Variants in NXPH1 observed in about 807,000 individuals in gnomAD.
The protein encoded by NXPH1 is neurexophilin-1.
A neutral mutation model predicts 23.7 loss-of-function variants in NXPH1; 5 were observed. The observed-to-expected ratio is 0.21, with a 90% confidence interval of 0.11 to 0.44. NXPH1 has a LOEUF of 0.44. Ranked by LOEUF, NXPH1 falls within the 20% of genes least tolerant of loss-of-function variation. NXPH1 has a pLI of 0.99. For missense variants in NXPH1, 324 were observed against 321.6 expected (o/e 1.01, Z -0.06); for synonymous variants, 144 against 122.2 (o/e 1.18, Z -1.18).
At chr7:8,613,861 T>C (rs923528866) in intron 2 of NXPH1, among the ~76,000 whole-genome samples, 2 of 151,862 alleles carry the variant, frequency 1.3e-5, no homozygotes, top group African/African-American at 2.4e-5. Context: ...ATGAAAATCA[T>C]ACACACACAT....
chr7:8,612,825 T>C lies in NXPH1; in HGVS notation c.55-138183T>C, dbSNP rs189775239. On this transcript the variant is annotated intron_variant, in intron 2 of 2. Coordinates refer to ENST00000405863, the MANE Select transcript of NXPH1 (RefSeq NM_152745.3). Reference sequence around the variant, plus strand: ...TCTTGGCGAGTGTTTTGTCTACTTATTGCTATTGCTGATATTAGATAAAAA... The same window carrying C: ...TCTTGGCGAGTGTTTTGTCTACTTACTGCTATTGCTGATATTAGATAAAAA... 3.6e-3 allele frequency among the ~76,000 whole-genome samples: 548 copies of C among 152,168 alleles called. 3 individuals are homozygous for C. The highest frequency in any genetic ancestry group is 0.013 in the African/African-American group (530 of 41,552).
chr7:8,489,884 T>G (rs1817220645), intron 2 of NXPH1, among the ~76,000 whole-genome samples: 1 of 152,078 alleles, frequency 6.6e-6, no homozygotes, highest in South Asian at 2.1e-4. Context: ...CTTTGCTGGG[T>G]CATGTTTTGG....
intron 2 of NXPH1, among the ~76,000 whole-genome samples, chr7:8,710,633 C>CTGTT (rs1254008455): frequency 7.6e-6 from 1 of 130,856 alleles, no homozygotes; most frequent in Non-Finnish European, 1.6e-5. Context: ...AGCATGTCAA[C>CTGTT]TGTTACGTTT....
At chr7:8,711,024 A>G (rs1390460690) in intron 2 of NXPH1, among the ~76,000 whole-genome samples, 1 of 152,190 alleles carries the variant, frequency 6.6e-6, no homozygotes, top group East Asian at 1.9e-4. Flanking sequence ...TATTTCCTAC[A>G]TCTTTCTGCT....
At chr7:8,739,132 A>T (rs1780314630) in intron 2 of NXPH1, among the ~76,000 whole-genome samples, 2 of 135,092 alleles carry the variant, frequency 1.5e-5, no homozygotes, top group Admixed American at 8.4e-5. Flanking sequence ...CAAGGGAGTG[A>T]ACGGTTTCGT....
chr7:8,662,770 A>G (rs1004795584), intron 2 of NXPH1, among the ~76,000 whole-genome samples: 1 of 152,046 alleles, frequency 6.6e-6, no homozygotes, highest in Non-Finnish European at 1.5e-5. Context: ...AATCTATTCA[A>G]TGTTGCAGTG....
intron 2 of NXPH1, among the ~76,000 whole-genome samples, chr7:8,464,260 T>C (rs1223419999): frequency 6.6e-6 from 1 of 152,204 alleles, no homozygotes; most frequent in Non-Finnish European, 1.5e-5. Flanking sequence ...ACCAACAATG[T>C]ATGAGAGGTC....
chr7:8,551,311 T>C (rs1228977146), intron 2 of NXPH1, among the ~76,000 whole-genome samples: 1 of 151,562 alleles, frequency 6.6e-6, no homozygotes, highest in Non-Finnish European at 1.5e-5. Context: ...TGCTACTGTA[T>C]GTTGTGATCA....
chr7:8,575,007 G>A (rs1334775913), intron 2 of NXPH1, among the ~76,000 whole-genome samples: 1 of 152,118 alleles, frequency 6.6e-6, no homozygotes, highest in Admixed American at 6.5e-5. Flanking sequence ...TATAGCATTC[G>A]TCGGAGACGT....
At chr7:8,477,259 T>C (rs186185901) in intron 2 of NXPH1, among the ~76,000 whole-genome samples, 1 of 152,298 alleles carries the variant, frequency 6.6e-6, no homozygotes, top group Admixed American at 6.5e-5. Context: ...CAAAGACTGA[T>C]ATGCTTGTAT....
chr7:8,530,275 C>T (rs1347494710), intron 2 of NXPH1, among the ~76,000 whole-genome samples: 1 of 152,146 alleles, frequency 6.6e-6, no homozygotes, highest in Non-Finnish European at 1.5e-5. Flanking sequence ...GCAAATGCCT[C>T]AAATATTAAT....
At chr7:8,510,293 G>A (rs932926398) in intron 2 of NXPH1, among the ~76,000 whole-genome samples, 1 of 152,202 alleles carries the variant, frequency 6.6e-6, no homozygotes, top group South Asian at 2.1e-4. Context: ...AATTACTAAT[G>A]TTTATCATTA....
At chr7:8,711,296 A>G (rs1779790910) in intron 2 of NXPH1, among the ~76,000 whole-genome samples, 1 of 152,204 alleles carries the variant, frequency 6.6e-6, no homozygotes, top group Non-Finnish European at 1.5e-5. Context: ...TTTTGAAGTC[A>G]GTAACATATT....
At chr7:8,697,461 A>T (rs60233806) in intron 2 of NXPH1, among the ~76,000 whole-genome samples, 61,170 of 152,006 alleles carry the variant, frequency 0.4, 12,563 homozygotes, top group Non-Finnish European at 0.45. Flanking sequence ...GGCTGCTATT[A>T]GTGGTATATT....
chr7:8,538,641 G>T (rs577707298), intron 2 of NXPH1, among the ~76,000 whole-genome samples: 2 of 151,904 alleles, frequency 1.3e-5, no homozygotes, highest in Non-Finnish European at 2.9e-5. Flanking sequence ...TTTCCCCCAC[G>T]TGCTAAGTGG....
chr7:8,676,373 C>T lies in NXPH1; in HGVS notation c.55-74635C>T, dbSNP rs573975785. On this transcript the variant is annotated intron_variant, in intron 2 of 2. Transcript: ENST00000405863. ...GTGTATTAAGATGAGTAGCTGTAAA[C>T]TGAAGTCATTTGCATAACACTCCAC... 1.1e-4 allele frequency among the ~76,000 whole-genome samples: 17 copies of T among 152,266 alleles called. 2 individuals are homozygous for T. The highest frequency in any genetic ancestry group is 3.8e-4 in the African/African-American group (16 of 41,562).
intron 2 of NXPH1, among the ~76,000 whole-genome samples, chr7:8,680,474 T>G (rs1821033257): frequency 6.6e-6 from 1 of 152,236 alleles, no homozygotes; most frequent in Non-Finnish European, 1.5e-5. Flanking sequence ...TCGTGTCTTA[T>G]AGATTATTTC....
intron 2 of NXPH1, among the ~76,000 whole-genome samples, chr7:8,582,837 G>C (rs974474597): frequency 2.6e-5 from 4 of 152,132 alleles, no homozygotes; most frequent in African/African-American, 9.7e-5. Context: ...CTTCACTAGG[G>C]ACCCACCCCT....
rs184981055 is a variant in NXPH1 at position 8,704,698 on chromosome 7, G to T, written c.55-46310G>T. 1.2e-4 allele frequency among the ~76,000 whole-genome samples: 18 copies of T among 151,914 alleles called. No individual in the cohort carries two copies. In the East Asian group the frequency reaches 3.5e-3, roughly 29 times the overall value. On this transcript the variant is annotated intron_variant, in intron 2 of 2. Transcript: ENST00000405863. ...GATTTTTTGGTTATAGATAATTATGGTATTCATAAAAGCAAATATATAAAC... is the reference window on the plus strand; with the variant it reads ...GATTTTTTGGTTATAGATAATTATGTTATTCATAAAAGCAAATATATAAAC...
Sources: allele counts gnomAD v4.1 joint callset (sites outside exome capture counted in the v4.1 genomes callset), GRCh38; gene constraint gnomAD v4.1.1; transcripts MANE v1.5; gene names NCBI Gene and HGNC (gene_info 2026-07-23, HGNC 2026-07-21).